The following BCAM variants were observed in gnomAD, a reference collection of about 807,000 sequenced individuals.
BCAM encodes basal cell adhesion molecule.
In BCAM, 61 loss-of-function variants were observed where a neutral mutation model predicts 72.4. That is an observed-to-expected ratio of 0.84 (90% confidence interval 0.69 to 1.04). BCAM has a LOEUF of 1.04. Among genes scored for constraint, BCAM ranks in the 50% least tolerant of loss-of-function variants. The probability of loss-of-function intolerance (pLI) is 0.00; values close to 1 mark genes in which losing one functional copy is unlikely to be tolerated. For missense variants in BCAM, 909 were observed against 895.0 expected (o/e 1.02, Z -0.20); for synonymous variants, 408 against 384.2 (o/e 1.06, Z -0.73).
intron 2 of BCAM, chr19:44,811,906 G>A (rs1421128983): frequency 1.8e-6 from 1 of 545,216 alleles, no homozygotes; most frequent in Non-Finnish European, 3.2e-6. Context: ...GAAAGAAAAT[G>A]AGAGACAATC....
intron 13 of BCAM, 31 bp from the exon 14 acceptor site, chr19:44,820,671 CACG>C: frequency 7.3e-7 from 1 of 1,364,720 alleles, no homozygotes; most frequent in Non-Finnish European, 9.5e-7. Context: ...GCACCTCCAA[CACG>C]ACGCCTCCGC....
intron 8 of BCAM, among the ~76,000 whole-genome samples, chr19:44,817,350 A>G: frequency 6.6e-6 from 1 of 152,218 alleles, no homozygotes; most frequent in East Asian, 1.9e-4. Flanking sequence ...CAAGAAAAAC[A>G]GCAAGAGAAC....
In BCAM at chr19:44,813,057, C is replaced by T. The variant is rs1447449040; in HGVS notation, c.505-193C>T. On this transcript the variant is annotated intron_variant, in intron 4 of 14. Coordinates refer to ENST00000270233, the MANE Select transcript of BCAM (RefSeq NM_005581.5). The surrounding 1 kb of genome is among the most constrained non-coding windows in gnomAD (Gnocchi z 4.2). Reference sequence around the variant, plus strand: ...AGCTGGGGGACCCAGAATCCTTGGTCCCTGGAGGATGGTGCTGGAGGCCTG... The same window carrying T: ...AGCTGGGGGACCCAGAATCCTTGGTTCCTGGAGGATGGTGCTGGAGGCCTG... The T allele has an allele frequency of 8.1e-6, 5 of 613,942 alleles. No individual in the cohort carries two copies. The Admixed American group carries it at 1.2e-4, about 15-fold the overall frequency. The allele number at this position is 613,942 out of a possible 1,614,324, so 38.0% of individuals were successfully genotyped here.
At chr19:44,811,996 A>T in intron 2 of BCAM, 167 bp from the exon 3 acceptor site, 1 of 673,634 alleles carries the variant, frequency 1.5e-6, no homozygotes, top group East Asian at 2.8e-5. Context: ...TCAAGAACTG[A>T]TAGGGAATGG....
In BCAM at chr19:44,819,129, A is replaced by C; in HGVS notation, c.1410A>C (p.Thr470=). The C allele has an allele frequency of 6.2e-7, 1 of 1,613,886 alleles. No homozygotes were observed. The highest frequency in any genetic ancestry group is 8.5e-7 in the Non-Finnish European group (1 of 1,179,938). ...DGSWREGDEV[T]LICSARGHPD... ...GCTGGAGGGAAGGAGACGAAGTCAC[A>C]CTCATCTGCTCTGCCCGCGGCCATC... is the stretch of plus-strand genomic sequence containing the variant. Residue 470 remains threonine (T), a synonymous_variant, in exon 11 of 15, where the codon ACA becomes ACC. Coordinates refer to ENST00000270233, the MANE Select transcript of BCAM (RefSeq NM_005581.5).
chr19:44,820,760 G>T lies in BCAM; in HGVS notation c.1819G>T (p.Gly607Cys). 1 of 1,500,706 alleles carries T rather than the reference G, an allele frequency of 6.7e-7. No individual in the cohort carries two copies. Among genetic ancestry groups the T allele is most frequent in the Non-Finnish European group, 8.9e-7 (1 of 1,119,936 alleles). The allele number at this position is 1,500,706 out of a possible 1,614,324, so 93.0% of individuals were successfully genotyped here. The part of the protein sequence containing the change: ...HSGSEQPEQT[G>C]LLMGGASGGA... Reference sequence around the variant, plus strand: ...GGGGTCGGAGCAACCAGAGCAGACCGGCCTTCTCATGGGAGGTGCCTCCGG... The same window carrying T: ...GGGGTCGGAGCAACCAGAGCAGACCTGCCTTCTCATGGGAGGTGCCTCCGG... Residue 607 changes from glycine (G) to cysteine (C), a missense_variant, in exon 14 of 15, where the codon GGC becomes TGC. Transcript: ENST00000270233.
chr19:44,813,387 G>T lies in BCAM; in HGVS notation c.601+41G>T. ...GCGCGGCGGGACGTGGGCTGGGGTGGGTGGCGGGGCTATGGCCTGGCTGAC... is the reference window on the plus strand; with the variant it reads ...GCGCGGCGGGACGTGGGCTGGGGTGTGTGGCGGGGCTATGGCCTGGCTGAC... On this transcript the variant is annotated intron_variant, in intron 5 of 14. Coordinates refer to ENST00000270233, the MANE Select transcript of BCAM (RefSeq NM_005581.5). This position sits in a 1 kb window ranked among gnomAD's most constrained non-coding sequence, Gnocchi z 4.2. The T allele has an allele frequency of 6.2e-7, 1 of 1,609,586 alleles. No homozygotes were observed. The highest frequency in any genetic ancestry group is 8.5e-7 in the Non-Finnish European group (1 of 1,177,604).
intron 13 of BCAM, 101 bp from the exon 14 acceptor site, chr19:44,820,604 C>T: frequency 1.6e-6 from 2 of 1,247,228 alleles, no homozygotes; most frequent in Non-Finnish European, 2.0e-6. Flanking sequence ...TCACCTCCAT[C>T]CCCAGCCGCA....
chr19:44,820,090 T>G, intron 13 of BCAM: 2 of 1,025,866 alleles, frequency 1.9e-6, no homozygotes. Flanking sequence ...GCCCCCAATC[T>G]CCCCTCAACT....
rs1300563224 is a variant in BCAM, at chr19:44,821,356, C to G, written c.*435C>G. 1 of 168,416 alleles carries G rather than the reference C, an allele frequency of 5.9e-6. No individual in the cohort carries two copies. The highest frequency in any genetic ancestry group is 1.2e-5 in the Non-Finnish European group (1 of 80,662). The allele number at this position is 168,416 out of a possible 1,614,324, so 10.4% of individuals were successfully genotyped here. On this transcript the variant is annotated 3_prime_UTR_variant, in exon 15 of 15. Coordinates refer to ENST00000270233, the MANE Select transcript of BCAM (RefSeq NM_005581.5). ...TCCCACTCCTGCCCCCGCCCTACCT[C>G]CGCCCCACCCCATCATCTGTGGACA...
intron 12 of BCAM, 32 bp downstream of exon 12, chr19:44,819,522 G>C (rs765015664): frequency 6.2e-7 from 1 of 1,613,576 alleles, no homozygotes. Context: ...AGAGGAGCCG[G>C]GTGTGGGGCA....
At position 44,813,496 on chromosome 19, in the gene BCAM, C is replaced by A. The variant is rs1278067008; in HGVS notation, c.660C>A (p.Ser220Arg). ...REASGLLSLTSTLYLRLRKDD... is the reference protein window; with the variant it reads ...REASGLLSLTRTLYLRLRKDD... ...CCTCGGGCCTGCTCTCCCTCACCAG[C>A]ACCCTCTACCTGCGGCTCCGCAAGG... Residue 220 changes from serine (S) to arginine (R), a missense_variant, in exon 6 of 15, where the codon AGC becomes AGA. Transcript: ENST00000270233. This position sits in a 1 kb window ranked among gnomAD's most constrained non-coding sequence, Gnocchi z 4.2. 6.2e-7 allele frequency: 1 copy of A among 1,612,572 alleles called. No homozygotes were observed. The highest frequency in any genetic ancestry group is 1.3e-5 in the African/African-American group (1 of 74,934).
In BCAM at chr19:44,814,826, C is replaced by T. The variant is rs540648862; in HGVS notation, c.1078+66C>T. The stretch of plus-strand genomic sequence containing the variant: ...GCATCAGTGCCTCTGCGCCCTCCTC[C>T]CTACAGCCCTGAAGTTGCTCTGTCA... On this transcript the variant is annotated intron_variant, in intron 8 of 14. Transcript: ENST00000270233. This position sits in a 1 kb window ranked among gnomAD's most constrained non-coding sequence, Gnocchi z 4.6. The T allele has an allele frequency of 1.3e-5, 20 of 1,507,654 alleles. No homozygotes were observed. Among genetic ancestry groups the T allele is most frequent in the Non-Finnish European group, 1.7e-5 (19 of 1,125,246 alleles). 93.4% of individuals were successfully genotyped at this position (1,507,654 alleles called of 1,614,324 possible). A position where few individuals can be genotyped will look rare whatever the true frequency, so the allele number is the denominator to read the frequency against.
chr19:44,811,057 G>A (rs1293627529), intron 1 of BCAM, among the ~76,000 whole-genome samples, 168 bp from the exon 2 acceptor site: 1 of 151,448 alleles, frequency 6.6e-6, no homozygotes, highest in Non-Finnish European at 1.5e-5. Context: ...GGAGGGGACA[G>A]GGGCCCAGAT....
At position 44,812,074 on chromosome 19, in the gene BCAM, C is replaced by A; in HGVS notation, c.205-89C>A. On this transcript the variant is annotated intron_variant, in intron 2 of 14. Coordinates refer to ENST00000270233, the MANE Select transcript of BCAM (RefSeq NM_005581.5). The surrounding 1 kb of genome is among the most constrained non-coding windows in gnomAD (Gnocchi z 5.3). The stretch of plus-strand genomic sequence containing the variant: ...CATAACAAGAGGAAAAGAGGCAGAG[C>A]CAGGAGCTGCAGAGAGAAAGGACCC... The A allele has an allele frequency of 1.5e-6, 2 of 1,292,730 alleles. No individual in the cohort carries two copies. The highest frequency in any genetic ancestry group is 2.1e-6 in the Non-Finnish European group (2 of 941,920). 80.1% of individuals were successfully genotyped at this position (1,292,730 alleles called of 1,614,324 possible). A position where few individuals can be genotyped will look rare whatever the true frequency, so the allele number is the denominator to read the frequency against.
chr19:44,819,253 T>C, intron 11 of BCAM, 61 bp downstream of exon 11: 1 of 1,610,764 alleles, frequency 6.2e-7, no homozygotes. Context: ...CACACCCTCC[T>C]TTCCACTTCC....
At chr19:44,809,727 C>A (rs1209868996) in intron 1 of BCAM, among the ~76,000 whole-genome samples, 2 of 152,124 alleles carry the variant, frequency 1.3e-5, no homozygotes, top group Non-Finnish European at 2.9e-5. Flanking sequence ...AAAGAACCCG[C>A]CTCCCTCAGG....
Position 44,813,686 on chromosome 19 carries a change from C to G in BCAM, c.784+66C>G. On this transcript the variant is annotated intron_variant, in intron 6 of 14. Coordinates refer to ENST00000270233, the MANE Select transcript of BCAM (RefSeq NM_005581.5). This position sits in a 1 kb window ranked among gnomAD's most constrained non-coding sequence, Gnocchi z 4.2. ...ACACCTCATGAGGCCTGACCCTCCA[C>G]CCGGGGGCTTCACACTCCCCTCTGA... The G allele has an allele frequency of 1.3e-6, 2 of 1,553,384 alleles. No homozygotes were observed. Among genetic ancestry groups the G allele is most frequent in the Non-Finnish European group, 1.7e-6 (2 of 1,148,190 alleles).
In BCAM at chr19:44,813,031, G is replaced by T. The variant is rs1968447305; in HGVS notation, c.505-219G>T. 3.5e-6 allele frequency: 2 copies of T among 578,388 alleles called. No individual in the cohort carries two copies. Among genetic ancestry groups the T allele is most frequent in the Non-Finnish European group, 6.1e-6 (2 of 328,466 alleles). The allele number at this position is 578,388 out of a possible 1,614,324, so 35.8% of individuals were successfully genotyped here. ...AGACTCCTGTGTCCTAGGAAGGAGA[G>T]AGCTGGGGGACCCAGAATCCTTGGT... On this transcript the variant is annotated intron_variant, in intron 4 of 14. Coordinates refer to ENST00000270233, the MANE Select transcript of BCAM (RefSeq NM_005581.5). This position sits in a 1 kb window ranked among gnomAD's most constrained non-coding sequence, Gnocchi z 4.2.
Sources: gnomAD v4.1 joint callset for allele counts (sites outside exome capture counted in the v4.1 genomes callset) on GRCh38, gnomAD v4.1.1 for gene constraint, Gnocchi (gnomAD v3.1) non-coding constraint, MANE v1.5 for transcripts, NCBI Gene and HGNC (gene_info 2026-07-23, HGNC 2026-07-21) for gene names.